Variants in PSMA1 observed in about 807,000 individuals in gnomAD.
The protein encoded by PSMA1 is proteasome 20S subunit alpha 1, also known as proteasome subunit alpha type-1.
Under a neutral mutation model 38.4 loss-of-function variants are expected in PSMA1, and 3 were observed. The observed-to-expected ratio is 0.08, with a 90% CI of 0.04 to 0.20. The LOEUF is 0.20. Among genes scored for constraint, PSMA1 ranks in the 10% least tolerant of loss-of-function variants. PSMA1 has a pLI of 1.00. For missense variants in PSMA1, 227 were observed against 325.3 expected, an observed-to-expected ratio of 0.70 and a Z score of 2.32; for synonymous variants, 101 against 107.1, an observed-to-expected ratio of 0.94 and a Z score of 0.35.
intron 2 of PSMA1, among the ~76,000 whole-genome samples, chr11:14,599,649 T>C (rs550473659): frequency 8.5e-5 from 13 of 152,338 alleles, no homozygotes; most frequent in Admixed American, 3.3e-4. Context: ...CTAATCTTTT[T>C]TCAAGGTTTT....
intron 2 of PSMA1, among the ~76,000 whole-genome samples, chr11:14,591,386 G>A (rs1852412880): frequency 6.6e-6 from 1 of 152,198 alleles, no homozygotes; most frequent in South Asian, 2.1e-4. Flanking sequence ...CCTCCCCGAT[G>A]AGTGCCGCCC....
At chr11:14,580,478 C>G (rs1852270946) in intron 2 of PSMA1, among the ~76,000 whole-genome samples, 1 of 152,192 alleles carries the variant, frequency 6.6e-6, no homozygotes, top group Admixed American at 6.5e-5. Flanking sequence ...GCATCTGCCT[C>G]TGCTGTGATT....
At chr11:14,591,838 C>A (rs1852419125) in intron 2 of PSMA1, among the ~76,000 whole-genome samples, 1 of 152,154 alleles carries the variant, frequency 6.6e-6, no homozygotes, top group African/African-American at 2.4e-5. Context: ...AAGCAGGCTG[C>A]CCCAGCCAGC....
At chr11:14,525,250 C>T (rs1851573584), upstream of PSMA1, among the ~76,000 whole-genome samples, 1 of 152,114 alleles carries the variant, frequency 6.6e-6, no homozygotes, top group South Asian at 2.1e-4. Context: ...TTATCTGCTT[C>T]CCTGATTATT....
chr11:14,561,268 C>T (rs1426124156), intron 2 of PSMA1, among the ~76,000 whole-genome samples: 2 of 152,184 alleles, frequency 1.3e-5, no homozygotes, highest in Non-Finnish European at 2.9e-5. Context: ...CTCAAAACAG[C>T]TCCTTCAATA....
chr11:14,608,194 T>C (rs1852665903), intron 2 of PSMA1, among the ~76,000 whole-genome samples: 2 of 151,908 alleles, frequency 1.3e-5, no homozygotes, highest in African/African-American at 2.4e-5. Context: ...CTACAAAAAA[T>C]TTAAAAATTG....
intron 1 of PSMA1, among the ~76,000 whole-genome samples, chr11:14,635,015 T>C (rs1037314476): frequency 1.3e-5 from 2 of 152,230 alleles, no homozygotes; most frequent in Non-Finnish European, 2.9e-5. Context: ...TAGAAATGTC[T>C]GGTCTATTTT....
rs772234958 is a variant in PSMA1 at position 14,514,387 on chromosome 11, A to G, written c.343+16T>C. ...TTCAAAGTTCATATCCATAAATGCT[A>G]ACATAAAAAGGATACTGCTTCCAAT... On this transcript the variant is annotated intron_variant, in intron 5 of 9. Coordinates refer to ENST00000396394, the MANE Select transcript of PSMA1 (RefSeq NM_002786.4). 5.0e-6 allele frequency: 8 copies of G among 1,593,718 alleles called. No individual in the cohort carries two copies. The highest frequency in any genetic ancestry group is 6.8e-6 in the Non-Finnish European group (8 of 1,168,024).
chr11:14,630,920 C>T (rs1426307522), intron 1 of PSMA1, among the ~76,000 whole-genome samples: 1 of 152,108 alleles, frequency 6.6e-6, no homozygotes, highest in Non-Finnish European at 1.5e-5. Flanking sequence ...AGGAATTTAT[C>T]CATTTCTTCT....
intron 2 of PSMA1, among the ~76,000 whole-genome samples, chr11:14,562,545 A>G (rs561475668): frequency 2.2e-4 from 34 of 152,328 alleles, no homozygotes; most frequent in Non-Finnish European, 3.8e-4. Context: ...GCTTTATAAC[A>G]GTACAATATT....
intron 2 of PSMA1, among the ~76,000 whole-genome samples, chr11:14,543,683 T>C (rs1239595653): frequency 6.6e-6 from 1 of 152,226 alleles, no homozygotes; most frequent in African/African-American, 2.4e-5. Flanking sequence ...TTACATACAG[T>C]AAGTCCTCAC....
chr11:14,531,354 G>A (rs1030441886), intron 2 of PSMA1, among the ~76,000 whole-genome samples: 1 of 152,068 alleles, frequency 6.6e-6, no homozygotes, highest in East Asian at 1.9e-4. Context: ...TGTTCAGCTC[G>A]CATTTATAAG....
intron 2 of PSMA1, among the ~76,000 whole-genome samples, chr11:14,518,775 G>A (rs1851477691): frequency 1.3e-5 from 2 of 152,082 alleles, no homozygotes; most frequent in Admixed American, 1.3e-4. Context: ...CCACATATAA[G>A]TGAGAGCATG....
intron 2 of PSMA1, among the ~76,000 whole-genome samples, chr11:14,554,683 T>C (rs1479939804): frequency 6.6e-6 from 1 of 152,232 alleles, no homozygotes; most frequent in African/African-American, 2.4e-5. Context: ...TCTCCATCAA[T>C]ATCACACTGT....
At chr11:14,564,459 A>G (rs1852045514) in intron 2 of PSMA1, among the ~76,000 whole-genome samples, 1 of 152,142 alleles carries the variant, frequency 6.6e-6, no homozygotes, top group African/African-American at 2.4e-5. Context: ...GTATATCTGG[A>G]TTGCTTCCAG....
At chr11:14,543,671 A>C (rs1231288447) in intron 2 of PSMA1, among the ~76,000 whole-genome samples, 15 of 152,170 alleles carry the variant, frequency 9.9e-5, no homozygotes, top group Admixed American at 9.8e-4. Context: ...ATTGAAATTA[A>C]TTTACATACA....
intron 2 of PSMA1, among the ~76,000 whole-genome samples, chr11:14,548,762 G>T (rs560087123): frequency 6.6e-6 from 1 of 151,986 alleles, no homozygotes; most frequent in Non-Finnish European, 1.5e-5. Flanking sequence ...AAATTAATTC[G>T]CATCTTAAGC....
chr11:14,532,375 CG>C lies in PSMA1; in HGVS notation c.22-13335del, dbSNP rs539423528. The stretch of plus-strand genomic sequence containing the variant: ...ATCCCAGCACTTTGGGAGGCCAAGG[CG>C]GGCAGATCTCCTGAGATCAGGAGTT... On this transcript the variant is annotated intron_variant, in intron 2 of 10. Coordinates refer to the PSMA1 transcript ENST00000418988. 3.3e-3 allele frequency among the ~76,000 whole-genome samples: 503 copies of C among 152,134 alleles called. 15 individuals carry two copies. The highest frequency in any genetic ancestry group is 9.9e-4 in the Non-Finnish European group (67 of 67,996).
chr11:14,548,487 C>G (rs1285292527), intron 2 of PSMA1, among the ~76,000 whole-genome samples: 1 of 152,062 alleles, frequency 6.6e-6, no homozygotes, highest in Admixed American at 6.6e-5. Context: ...TGTATAGATA[C>G]AGTAGTGTCT....
Sources: allele counts gnomAD v4.1 joint callset (sites outside exome capture counted in the v4.1 genomes callset), GRCh38; gene constraint gnomAD v4.1.1; transcripts MANE v1.5; gene names NCBI Gene and HGNC (gene_info 2026-07-23, HGNC 2026-07-21).